Variants in RANBP17 observed in about 807,000 individuals in gnomAD.
RANBP17 encodes the protein ran-binding protein 17.
In RANBP17, 158 loss-of-function variants were observed where a neutral mutation model predicts 141.2. That is an observed-to-expected ratio of 1.12 (90% CI 0.98 to 1.28). The LOEUF (loss-of-function observed/expected upper bound fraction) is 1.28, where lower values mean the gene tolerates loss of function less well. Ranked by LOEUF, RANBP17 falls within the 50% of genes most tolerant of loss-of-function variation. The pLI, the probability that RANBP17 is intolerant of heterozygous loss-of-function variation, is 0.00. For missense variants in RANBP17, 1,438 were observed against 1,290.7 expected, an observed-to-expected ratio of 1.11 and a Z score of -1.75; for synonymous variants, 430 against 450.0, an observed-to-expected ratio of 0.96 and a Z score of 0.56.
intron 25 of RANBP17, among the ~76,000 whole-genome samples, chr5:171,293,561 T>C (rs2128045138): frequency 6.6e-6 from 1 of 152,318 alleles, no homozygotes; most frequent in South Asian, 2.1e-4. Flanking sequence ...CCTGGTGCCC[T>C]AGCATAGAGG....
chr5:171,226,587 C>T (rs751952253), intron 22 of RANBP17, among the ~76,000 whole-genome samples: 4 of 152,068 alleles, frequency 2.6e-5, no homozygotes, highest in African/African-American at 7.2e-5. Context: ...TCGTCACCAC[C>T]TAGATAATAG....
chr5:171,230,597 C>T (rs1446468060), intron 22 of RANBP17, among the ~76,000 whole-genome samples: 1 of 152,182 alleles, frequency 6.6e-6, no homozygotes, highest in East Asian at 1.9e-4. Flanking sequence ...CCCATCTCTA[C>T]TGAAAATACA....
intron 24 of RANBP17, among the ~76,000 whole-genome samples, chr5:171,250,375 C>T (rs990298169): frequency 1.3e-5 from 2 of 151,804 alleles, no homozygotes; most frequent in African/African-American, 2.4e-5. Flanking sequence ...AATGGTACCA[C>T]GACAGAAATT....
At chr5:171,125,363 A>C (rs574185344) in intron 14 of RANBP17, among the ~76,000 whole-genome samples, 2 of 151,598 alleles carry the variant, frequency 1.3e-5, no homozygotes, top group African/African-American at 4.8e-5. Flanking sequence ...AGTAACCAAA[A>C]GCTGCCAGAA....
intron 25 of RANBP17, among the ~76,000 whole-genome samples, chr5:171,277,859 G>A (rs1220636219): frequency 2.0e-5 from 3 of 147,780 alleles, no homozygotes; most frequent in Non-Finnish European, 4.5e-5. Flanking sequence ...AGTGATGGAA[G>A]AGTGGCAGGA....
intron 14 of RANBP17, among the ~76,000 whole-genome samples, chr5:171,081,223 T>C (rs899813914): frequency 1.3e-4 from 20 of 152,206 alleles, no homozygotes; most frequent in Non-Finnish European, 1.8e-4. Context: ...TAGTGGTATC[T>C]CTTATTTTCT....
chr5:170,867,592 C>T (rs918754856), intron 1 of RANBP17, among the ~76,000 whole-genome samples: 47 of 152,130 alleles, frequency 3.1e-4, no homozygotes, highest in African/African-American at 1.1e-3. Context: ...TTATTGTAAT[C>T]AAGAAGCTTA....
chr5:171,252,417 G>A (rs1765631566), intron 24 of RANBP17: 1 of 1,519,112 alleles, frequency 6.6e-7, no homozygotes. Flanking sequence ...TTTTAGACCT[G>A]TCTGTTGACG....
chr5:171,215,371 G>A (rs1763154214), intron 21 of RANBP17, among the ~76,000 whole-genome samples: 3 of 152,102 alleles, frequency 2.0e-5, no homozygotes, highest in Non-Finnish European at 4.4e-5. Flanking sequence ...ACATACATGT[G>A]CATGTATGTT....
Position 170,919,563 on chromosome 5 carries a change from C to T in RANBP17, c.1224C>T (p.Ile408=), listed in dbSNP as rs530837193. ...TATTAGACACTTATGCACCAGAAATCACGAAGGCCTTTATCACTTCTCGGT... is the reference window on the plus strand; with the variant it reads ...TATTAGACACTTATGCACCAGAAATTACGAAGGCCTTTATCACTTCTCGGT... ...PHLLDTYAPE[I]TKAFITSRLD... is the part of the protein sequence containing the mutation. Residue 408 remains isoleucine, a synonymous_variant, in exon 11 of 28, where the codon ATC becomes ATT. Coordinates refer to ENST00000523189, the MANE Select transcript of RANBP17 (RefSeq NM_022897.5). 16 of 1,610,994 alleles carry T rather than the reference C, an allele frequency of 9.9e-6. No individual in the cohort carries two copies. The Middle Eastern group carries it at 1.8e-3, about 183-fold the overall frequency.
intron 14 of RANBP17, among the ~76,000 whole-genome samples, chr5:171,056,175 T>C (rs1251000920): frequency 6.6e-6 from 1 of 152,200 alleles, no homozygotes; most frequent in African/African-American, 2.4e-5. Flanking sequence ...GTTCAGTCCA[T>C]GCAGTTAACT....
chr5:171,198,078 G>A (rs1762081587), intron 18 of RANBP17, among the ~76,000 whole-genome samples: 1 of 152,216 alleles, frequency 6.6e-6, no homozygotes, highest in African/African-American at 2.4e-5. Context: ...TCCAAAGGGA[G>A]AAGGGAGATA....
chr5:170,976,153 G>T (rs1269492665), intron 14 of RANBP17, among the ~76,000 whole-genome samples: 2 of 152,104 alleles, frequency 1.3e-5, no homozygotes, highest in African/African-American at 4.8e-5. Flanking sequence ...TAAGTTTGCA[G>T]GATTATAAGA....
chr5:171,060,637 G>T (rs2127671159), intron 14 of RANBP17, among the ~76,000 whole-genome samples: 1 of 152,076 alleles, frequency 6.6e-6, no homozygotes, highest in South Asian at 2.1e-4. Context: ...TTTTGGTTGT[G>T]TCTCTGCCAG....
At position 171,298,755 on chromosome 5, in the gene RANBP17, T is replaced by G. The variant is rs763860298; in HGVS notation, c.3171-7T>G. On this transcript the variant is annotated splice_region_variant and splice_polypyrimidine_tract_variant and intron_variant, in intron 27 of 27. Transcript: ENST00000523189. ...CTACCCTTGACCCTTTCTTCCTCTT[T>G]CTGCAGGTTCACCCAAAATCTGTCT... 1 of 1,612,194 alleles carries G rather than the reference T, an allele frequency of 6.2e-7. No individual in the cohort carries two copies. The highest frequency in any genetic ancestry group is 8.5e-7 in the Non-Finnish European group (1 of 1,178,250).
At chr5:171,013,888 T>C (rs950151581) in intron 14 of RANBP17, among the ~76,000 whole-genome samples, 5 of 152,108 alleles carry the variant, frequency 3.3e-5, no homozygotes, top group African/African-American at 1.2e-4. Context: ...AGGGTTTTTG[T>C]ATTCTTCCTG....
intron 14 of RANBP17, among the ~76,000 whole-genome samples, chr5:171,157,565 A>G (rs968871545): frequency 6.6e-6 from 1 of 152,214 alleles, no homozygotes; most frequent in Non-Finnish European, 1.5e-5. Context: ...TTCTACTAAA[A>G]CAATGTGGCA....
chr5:171,031,389 G>A (rs770788200), intron 14 of RANBP17, among the ~76,000 whole-genome samples: 10 of 151,958 alleles, frequency 6.6e-5, no homozygotes, highest in Non-Finnish European at 1.5e-4. Flanking sequence ...TGTGTTGTTG[G>A]ATTGATCTGC....
intron 14 of RANBP17, among the ~76,000 whole-genome samples, chr5:171,000,467 G>A (rs1779124184): frequency 6.6e-6 from 1 of 152,164 alleles, no homozygotes; most frequent in Non-Finnish European, 1.5e-5. Flanking sequence ...AAATGATGTA[G>A]CTATAGTCAA....
Sources: allele counts gnomAD v4.1 joint callset (sites outside exome capture counted in the v4.1 genomes callset), GRCh38; gene constraint gnomAD v4.1.1; transcripts MANE v1.5; gene names NCBI Gene and HGNC (gene_info 2026-07-23, HGNC 2026-07-21).